ZFHX3: variants seen among roughly 807,000 people sequenced by gnomAD.
The protein encoded by ZFHX3 is zinc finger homeobox 3.
ZFHX3 carries 42 observed loss-of-function variants against 279.1 expected under a neutral mutation model. The observed-to-expected ratio is 0.15, with a 90% CI of 0.12 to 0.19. The LOEUF is 0.19. Ranked by LOEUF, ZFHX3 falls within the 10% of genes least tolerant of loss-of-function variation. The pLI is 1.00. For missense variants in ZFHX3, 4,981 were observed against 4,754.0 expected (o/e 1.05, Z -1.40); for synonymous variants, 2,293 against 1,957.8 (o/e 1.17, Z -4.52).
At chr16:72,873,172 A>C (rs2143971114) in intron 4 of ZFHX3, among the ~76,000 whole-genome samples, 1 of 152,326 alleles carries the variant, frequency 6.6e-6, no homozygotes, top group Middle Eastern at 3.4e-3. Context: ...TCCTTCCAAA[A>C]GATCATAGGC....
chr16:72,874,398 G>A (rs892217461), intron 4 of ZFHX3, among the ~76,000 whole-genome samples: 7 of 151,856 alleles, frequency 4.6e-5, no homozygotes, highest in African/African-American at 1.7e-4. Flanking sequence ...AGTGGAGACG[G>A]GGTTTCACGG....
At chr16:72,807,529 G>C (rs762283772) in intron 7 of ZFHX3, 2 of 152,198 alleles carry the variant, frequency 1.3e-5, no homozygotes, top group African/African-American at 4.8e-5. Context: ...AGACACTGCA[G>C]GTTCCTGAAA....
At chr16:72,924,908 C>A (rs1486676966) in intron 3 of ZFHX3, among the ~76,000 whole-genome samples, 1 of 152,202 alleles carries the variant, frequency 6.6e-6, no homozygotes, top group African/African-American at 2.4e-5. Context: ...CCCATTTCCT[C>A]CTACCCTTTA....
chr16:73,660,444 G>A (rs1032628928), intron 2 of ZFHX3, among the ~76,000 whole-genome samples: 2 of 152,060 alleles, frequency 1.3e-5, no homozygotes, highest in Non-Finnish European at 2.9e-5. Context: ...AGAAGAAAAT[G>A]GTTTTTAAAA....
At chr16:73,519,217 T>A (rs535553072) in intron 2 of ZFHX3, among the ~76,000 whole-genome samples, 51 of 152,084 alleles carry the variant, frequency 3.4e-4, no homozygotes, top group Non-Finnish European at 6.6e-4. Flanking sequence ...CACCAGTAAA[T>A]CAGAAGACAG....
At chr16:73,360,426 C>T (rs1158369926) in intron 3 of ZFHX3, among the ~76,000 whole-genome samples, 1 of 152,234 alleles carries the variant, frequency 6.6e-6, no homozygotes, top group East Asian at 1.9e-4. Flanking sequence ...ACAGCCTCCG[C>T]CTCTAGGGTT....
At chr16:73,129,744 C>T (rs984682235) in intron 7 of ZFHX3, among the ~76,000 whole-genome samples, 1 of 147,504 alleles carries the variant, frequency 6.8e-6, no homozygotes, top group African/African-American at 2.6e-5. Context: ...GTGTGTATGC[C>T]CACTCGCCAA....
At chr16:73,105,929 A>ACCCCTCCCCCCCC (rs1966298278) in intron 7 of ZFHX3, among the ~76,000 whole-genome samples, 2 of 110,846 alleles carry the variant, frequency 1.8e-5, no homozygotes, top group Non-Finnish European at 3.7e-5. Context: ...ATGTACACGG[A>ACCCCTCCCCCCCC]CCCCCTCCCC....
At chr16:73,851,812 T>C (rs1769496645) in intron 1 of ZFHX3, among the ~76,000 whole-genome samples, 1 of 152,160 alleles carries the variant, frequency 6.6e-6, no homozygotes, top group Admixed American at 6.5e-5. Flanking sequence ...ATCAACAGAT[T>C]TGTGTGTGTC....
rs1286630821 is a variant in ZFHX3, at chr16:72,787,883, A to G, written c.10393T>C (p.Leu3465=). 4 of 1,613,806 alleles carry G rather than the reference A, an allele frequency of 2.5e-6. No individual in the cohort carries two copies. In the South Asian group the frequency reaches 4.4e-5, roughly 18 times the overall value. Residue 3465 remains leucine (L), a synonymous_variant, in exon 10 of 10, where the codon TTG becomes CTG. Transcript: ENST00000268489. ...PFIVPKVQYK[L]VCRKCQAGFS... ...CCCGCCTGGCACTTGCGGCAGACCAACTTGTACTGCACCTTTGGAACAATG... is the reference window on the plus strand; with the variant it reads ...CCCGCCTGGCACTTGCGGCAGACCAGCTTGTACTGCACCTTTGGAACAATG...
At chr16:73,516,585 A>T (rs1170215501) in intron 2 of ZFHX3, among the ~76,000 whole-genome samples, 1 of 152,176 alleles carries the variant, frequency 6.6e-6, no homozygotes, top group Admixed American at 6.5e-5. Flanking sequence ...CTCTGGAATA[A>T]TATGTAGGGA....
intron 1 of ZFHX3, among the ~76,000 whole-genome samples, chr16:73,756,841 G>C (rs985348561): frequency 1.3e-5 from 2 of 151,846 alleles, no homozygotes; most frequent in Admixed American, 1.3e-4. Flanking sequence ...TCTTTTCAGG[G>C]TATTGGTCCA....
At chr16:72,829,916 T>C (rs2037024411) in intron 4 of ZFHX3, 57 bp from the exon 5 acceptor site, 2 of 1,591,634 alleles carry the variant, frequency 1.3e-6, no homozygotes, top group South Asian at 1.1e-5. Context: ...TGAAGGACTT[T>C]TGGCCTCTGT....
chr16:73,808,972 C>A (rs570734387), intron 1 of ZFHX3, among the ~76,000 whole-genome samples: 18 of 152,094 alleles, frequency 1.2e-4, no homozygotes, highest in Non-Finnish European at 2.6e-4. Context: ...GATTACTGAC[C>A]CAGTGCCGGA....
At chr16:73,833,257 G>A (rs1961048043) in intron 1 of ZFHX3, among the ~76,000 whole-genome samples, 1 of 152,054 alleles carries the variant, frequency 6.6e-6, no homozygotes, top group Admixed American at 6.6e-5. Context: ...TACCTACTTG[G>A]GAGGCTGAGG....
At chr16:73,763,882 G>T (rs771263948) in intron 1 of ZFHX3, among the ~76,000 whole-genome samples, 1 of 141,822 alleles carries the variant, frequency 7.1e-6, no homozygotes, top group South Asian at 2.2e-4. Context: ...TTAATTCTGC[G>T]ACCAAAAGGA....
chr16:72,901,793 C>A (rs1423245043), intron 3 of ZFHX3, among the ~76,000 whole-genome samples: 1 of 152,218 alleles, frequency 6.6e-6, no homozygotes, highest in Non-Finnish European at 1.5e-5. Flanking sequence ...CGGACGGCCA[C>A]GTGGCGAGAG....
intron 3 of ZFHX3, among the ~76,000 whole-genome samples, chr16:72,932,873 G>C (rs1207376817): frequency 6.6e-6 from 1 of 152,136 alleles, no homozygotes; most frequent in East Asian, 1.9e-4. Context: ...TCTCATTTAA[G>C]TCATTCGAGA....
At chr16:72,856,407 G>A (rs1021425096) in intron 4 of ZFHX3, among the ~76,000 whole-genome samples, 1 of 152,242 alleles carries the variant, frequency 6.6e-6, no homozygotes, top group Admixed American at 6.5e-5. Flanking sequence ...CAAGTGAAGA[G>A]CTGCGTCTCT....
Sources: gnomAD v4.1 joint callset for allele counts (sites outside exome capture counted in the v4.1 genomes callset) on GRCh38, gnomAD v4.1.1 for gene constraint, MANE v1.5 for transcripts, NCBI Gene and HGNC (gene_info 2026-07-23, HGNC 2026-07-21) for gene names.